The following BNC2 variants were observed in gnomAD, a reference collection of about 807,000 sequenced individuals.
BNC2 encodes the protein basonuclin zinc finger protein 2.
Under a neutral mutation model 76.3 loss-of-function variants are expected in BNC2, and 20 were observed. The observed-to-expected ratio is 0.26, with a 90% CI of 0.18 to 0.38. BNC2 has a LOEUF of 0.38. BNC2 is among the 10% of genes least tolerant of loss of function. BNC2 has a pLI of 1.00. For synonymous variants in BNC2, 582 were observed against 514.8 expected (o/e 1.13, Z -1.77); for missense variants, 1,382 against 1,399.8 (o/e 0.99, Z 0.20).
chr9:16,832,080 T>C lies in BNC2; in HGVS notation c.3+38566A>G, dbSNP rs999640201. Among the ~76,000 whole-genome samples, 3 of 152,154 alleles carry C rather than the reference T, an allele frequency of 2.0e-5. 1 individual carries two copies. Among genetic ancestry groups the C allele is most frequent in the South Asian group, 4.1e-4 (2 of 4,822 alleles). On this transcript the variant is annotated intron_variant, in intron 1 of 6. Coordinates refer to ENST00000380672, the MANE Select transcript of BNC2 (RefSeq NM_017637.6). Reference sequence around the variant, plus strand: ...ACTAATAGGACAATCAGCAAGCCAATCTATTAGAATTCCAGCTGGCTATGA... The same window carrying C: ...ACTAATAGGACAATCAGCAAGCCAACCTATTAGAATTCCAGCTGGCTATGA...
At chr9:16,708,149 A>T (rs2134682474) in intron 3 of BNC2, among the ~76,000 whole-genome samples, 1 of 152,308 alleles carries the variant, frequency 6.6e-6, no homozygotes, top group Non-Finnish European at 1.5e-5. Context: ...AGGTGCCCAG[A>T]GTTTTGTAGA....
intron 1 of BNC2, among the ~76,000 whole-genome samples, chr9:16,812,659 A>G (rs1322364983): frequency 6.6e-6 from 1 of 152,244 alleles, no homozygotes; most frequent in African/African-American, 2.4e-5. Flanking sequence ...TTAATAAAAT[A>G]GATATTTCTC....
At chr9:16,742,866 G>A (rs947634431) in intron 1 of BNC2, among the ~76,000 whole-genome samples, 1 of 152,052 alleles carries the variant, frequency 6.6e-6, no homozygotes, top group African/African-American at 2.4e-5. Flanking sequence ...ACTAACTTCT[G>A]GATACTTATA....
chr9:16,793,665 T>A (rs1817571898), intron 1 of BNC2, among the ~76,000 whole-genome samples: 1 of 104,352 alleles, frequency 9.6e-6, no homozygotes, highest in African/African-American at 5.1e-5. Context: ...TTTTTTTTTT[T>A]TTTTTTTTTT....
chr9:16,677,349 G>A (rs1822674592), intron 3 of BNC2, among the ~76,000 whole-genome samples: 1 of 152,290 alleles, frequency 6.6e-6, no homozygotes, highest in Non-Finnish European at 1.5e-5. Context: ...GAGGCTGGCA[G>A]ATTACTTGAG....
chr9:16,491,607 GAAT>G (rs2131634728), intron 5 of BNC2, among the ~76,000 whole-genome samples: 1 of 152,262 alleles, frequency 6.6e-6, no homozygotes, highest in East Asian at 1.9e-4. Context: ...AGAAAACAGT[GAAT>G]TTAGTTTGGG....
At chr9:16,541,307 C>A (rs1330780981) in intron 5 of BNC2, among the ~76,000 whole-genome samples, 1 of 152,144 alleles carries the variant, frequency 6.6e-6, no homozygotes, top group African/African-American at 2.4e-5. Context: ...CGGTTTTGGC[C>A]ACAGATTCAA....
At chr9:16,496,567 A>T (rs186154193) in intron 5 of BNC2, among the ~76,000 whole-genome samples, 1 of 152,388 alleles carries the variant, frequency 6.6e-6, no homozygotes, top group East Asian at 1.9e-4. Flanking sequence ...CTTCATGCCT[A>T]AGAACAGACA....
At chr9:16,467,559 A>T (rs2131322427) in intron 5 of BNC2, among the ~76,000 whole-genome samples, 1 of 135,578 alleles carries the variant, frequency 7.4e-6, no homozygotes, top group African/African-American at 2.9e-5. Context: ...GGAAACCATC[A>T]TTCTCAGTAA....
chr9:16,431,690 A>G (rs1399857319), intron 6 of BNC2, among the ~76,000 whole-genome samples: 3 of 152,146 alleles, frequency 2.0e-5, no homozygotes, highest in Admixed American at 6.5e-5. Context: ...GCAGTCCCCA[A>G]CCTTTTTGGC....
intron 1 of BNC2, among the ~76,000 whole-genome samples, chr9:16,813,576 A>G (rs1217383684): frequency 6.6e-6 from 1 of 152,098 alleles, no homozygotes; most frequent in Non-Finnish European, 1.5e-5. Context: ...AAAAACCATT[A>G]TTTTTAGAGT....
In BNC2 at chr9:16,436,204, C is replaced by T; in HGVS notation, c.1990G>A (p.Gly664Arg). 6.2e-7 allele frequency: 1 copy of T among 1,614,168 alleles called. No individual in the cohort carries two copies. The highest frequency in any genetic ancestry group is 8.5e-7 in the Non-Finnish European group (1 of 1,180,020). Residue 664 changes from glycine (G) to arginine (R), a missense_variant, in exon 6 of 7, where the codon GGA (glycine) becomes AGA (arginine). Gly to Arg is a moderately radical substitution (Grantham distance 125). Coordinates refer to ENST00000380672, the MANE Select transcript of BNC2 (RefSeq NM_017637.6). ...DDEDDDPNDG[G>R]AVVNDMSHDN... ...TGGCTCATGTCATTGACCACAGCTC[C>T]ACCATCATTGGGGTCATCATCTTCA...
intron 1 of BNC2, among the ~76,000 whole-genome samples, chr9:16,777,956 A>G (rs1332763299): frequency 1.3e-5 from 2 of 152,210 alleles, no homozygotes; most frequent in African/African-American, 2.4e-5. Flanking sequence ...CAGCAATTAA[A>G]CAAAACACAT....
At chr9:16,814,972 C>A (rs1818146584) in intron 1 of BNC2, among the ~76,000 whole-genome samples, 1 of 152,100 alleles carries the variant, frequency 6.6e-6, no homozygotes, top group Non-Finnish European at 1.5e-5. Flanking sequence ...TTGCCACCCC[C>A]AAACCCTCAA....
intron 3 of BNC2, among the ~76,000 whole-genome samples, chr9:16,595,488 T>C (rs893420583): frequency 6.6e-6 from 1 of 152,092 alleles, no homozygotes; most frequent in Non-Finnish European, 1.5e-5. Flanking sequence ...ACATCTTGAT[T>C]TTACCAGTGG....
chr9:16,588,813 A>G (rs1178472249), intron 3 of BNC2, among the ~76,000 whole-genome samples: 1 of 152,204 alleles, frequency 6.6e-6, no homozygotes, highest in Non-Finnish European at 1.5e-5. Flanking sequence ...GTTTATGTGA[A>G]TTGAACCCCA....
chr9:16,821,850 C>A (rs1173429355), intron 1 of BNC2, among the ~76,000 whole-genome samples: 1 of 151,908 alleles, frequency 6.6e-6, no homozygotes, highest in African/African-American at 2.4e-5. Context: ...TCCCAGCATT[C>A]TGGAAGGCCA....
At chr9:16,639,203 T>C (rs967532290) in intron 3 of BNC2, among the ~76,000 whole-genome samples, 2 of 152,176 alleles carry the variant, frequency 1.3e-5, no homozygotes, top group Non-Finnish European at 2.9e-5. Flanking sequence ...TTAGGAGACA[T>C]TTTATCAAAA....
chr9:16,550,840 CCATA>C (rs1818639319), intron 5 of BNC2, among the ~76,000 whole-genome samples: 1 of 152,144 alleles, frequency 6.6e-6, no homozygotes, highest in South Asian at 2.1e-4. Context: ...GCTAACAGTT[CCATA>C]CAAACAACTG....
Sources: gnomAD v4.1 joint callset for allele counts (sites outside exome capture counted in the v4.1 genomes callset) on GRCh38, gnomAD v4.1.1 for gene constraint, MANE v1.5 for transcripts, NCBI Gene and HGNC (gene_info 2026-07-23, HGNC 2026-07-21) for gene names.